FAM98A: variants seen among roughly 807,000 people sequenced by gnomAD.
FAM98A encodes the protein protein FAM98A.
In FAM98A, 25 loss-of-function variants were observed where a neutral mutation model predicts 62.9. That is an observed-to-expected ratio of 0.40 (90% confidence interval 0.29 to 0.56). The LOEUF is 0.56. Ranked by LOEUF, FAM98A falls within the 20% of genes least tolerant of loss-of-function variation. FAM98A has a pLI of 0.51. For missense variants in FAM98A, 653 were observed against 640.7 expected (o/e 1.02, Z -0.21); for synonymous variants, 252 against 228.6 (o/e 1.10, Z -0.92).
At position 33,584,079 on chromosome 2, in the gene FAM98A, TAACTA is replaced by T; in HGVS notation, c.*692_*696del. On this transcript the variant is annotated 3_prime_UTR_variant, in exon 8 of 8. Transcript: ENST00000238823. ...GCAGGTCAGTTTGAATTGCTATACT[TAACTA>T]AATGCCTACATGTACTATAGCTTCA... 1 of 152,772 alleles carries T rather than the reference TAACTA, an allele frequency of 6.5e-6. No homozygotes were observed. The highest frequency in any genetic ancestry group is 1.9e-4 in the East Asian group (1 of 5,194). The allele number at this position is 152,772 out of a possible 1,614,324, so 9.5% of individuals were successfully genotyped here.
chr2:33,594,478 A>C (rs1677744485), intron 2 of FAM98A, among the ~76,000 whole-genome samples: 1 of 148,842 alleles, frequency 6.7e-6, no homozygotes, highest in African/African-American at 2.5e-5. Context: ...ACCATGGCAC[A>C]CGTATCCCTA....
At chr2:33,588,143 T>C (rs1011777163) in intron 4 of FAM98A, 192 bp downstream of exon 4, 8 of 599,944 alleles carry the variant, frequency 1.3e-5, no homozygotes, top group Non-Finnish European at 2.1e-5. Flanking sequence ...AACATGTTTT[T>C]AGGAAAATAC....
At chr2:33,592,247 T>C (rs1464536968) in intron 2 of FAM98A, 33 bp from the exon 3 acceptor site, 9 of 1,510,852 alleles carry the variant, frequency 6.0e-6, no homozygotes, top group Non-Finnish European at 7.3e-6. Flanking sequence ...TATTTAATGA[T>C]AGTGATTATT....
chr2:33,586,503 T>G lies in FAM98A; in HGVS notation c.720+59A>C, dbSNP rs1216620867. On this transcript the variant is annotated intron_variant, in intron 6 of 7. Coordinates refer to ENST00000238823, the MANE Select transcript of FAM98A (RefSeq NM_015475.5). Reference sequence around the variant, plus strand: ...ATAGTTGCCAAGTAGCTAAATTGTTTAGATGTTCAGGGATCATGTCTATAA... The same window carrying G: ...ATAGTTGCCAAGTAGCTAAATTGTTGAGATGTTCAGGGATCATGTCTATAA... 10 of 1,129,600 alleles carry G rather than the reference T, an allele frequency of 8.9e-6. No homozygotes were observed. The East Asian group carries it at 1.4e-4, about 16-fold the overall frequency. The allele number at this position is 1,129,600 out of a possible 1,614,324, so 70.0% of individuals were successfully genotyped here.
In FAM98A at chr2:33,584,492, G is replaced by T; in HGVS notation, c.*284C>A. The T allele has an allele frequency of 2.6e-6, 1 of 384,746 alleles. No homozygotes were observed. The highest frequency in any genetic ancestry group is 3.9e-5 in the East Asian group (1 of 25,794). The allele number at this position is 384,746 out of a possible 1,614,324, so 23.8% of individuals were successfully genotyped here. A position where few individuals can be genotyped will look rare whatever the true frequency, so the allele number is the denominator to read the frequency against. ...TTCTTCAAAAAAGTTTGCATGTTCT[G>T]ACTGTGGAATTAGTCTACTGGGCAA... On this transcript the variant is annotated 3_prime_UTR_variant, in exon 8 of 8. Coordinates refer to ENST00000238823, the MANE Select transcript of FAM98A (RefSeq NM_015475.5).
chr2:33,598,911 C>T (rs947203272), intron 1 of FAM98A, among the ~76,000 whole-genome samples: 4 of 152,102 alleles, frequency 2.6e-5, no homozygotes, highest in Non-Finnish European at 1.5e-5. Context: ...GACAATGACA[C>T]GCATGACTGA....
intron 1 of FAM98A, among the ~76,000 whole-genome samples, chr2:33,596,891 CAA>C (rs55741538): frequency 3.9e-5 from 4 of 103,448 alleles, no homozygotes; most frequent in African/African-American, 3.9e-5. Context: ...GACTCCGTAT[CAA>C]AAAAAAAAAA....
intron 2 of FAM98A, among the ~76,000 whole-genome samples, chr2:33,593,534 G>T (rs527893775): frequency 6.6e-6 from 1 of 152,170 alleles, no homozygotes. Flanking sequence ...ATAAAAAAAG[G>T]TATAGAGTTC....
At chr2:33,592,007 C>G in intron 3 of FAM98A, 73 bp downstream of exon 3, 1 of 1,233,492 alleles carries the variant, frequency 8.1e-7, no homozygotes, top group Non-Finnish European at 1.1e-6. Context: ...AAACAAAAAA[C>G]CATGGTCAGT....
rs1558549320 is a variant in FAM98A at position 33,592,096 on chromosome 2, GTTC to G, written c.318_320del (p.Lys106del). 6.2e-7 allele frequency: 1 copy of G among 1,613,258 alleles called. No individual in the cohort carries two copies. ...TGAACTTACTGAGCAAGAGGAGGCAGTTCTTCTGAATGAGAAGGCGCTTGGTCA... is the reference window on the plus strand; with the variant it reads ...TGAACTTACTGAGCAAGAGGAGGCAGTTCTGAATGAGAAGGCGCTTGGTCA... On this transcript the variant is annotated inframe_deletion, in exon 3 of 8. Coordinates refer to ENST00000238823, the MANE Select transcript of FAM98A (RefSeq NM_015475.5).
intron 2 of FAM98A, among the ~76,000 whole-genome samples, 190 bp from the exon 3 acceptor site, chr2:33,592,404 G>T (rs1677691341): frequency 6.6e-6 from 1 of 151,594 alleles, no homozygotes; most frequent in Non-Finnish European, 1.5e-5. Context: ...AGGTCTCTGA[G>T]GCCTAGGCTG....
At chr2:33,597,088 T>C (rs1190099321) in intron 1 of FAM98A, among the ~76,000 whole-genome samples, 1 of 152,156 alleles carries the variant, frequency 6.6e-6, no homozygotes, top group African/African-American at 2.4e-5. Flanking sequence ...TATTAGACAC[T>C]GAAATCAAAA....
At position 33,595,522 on chromosome 2, in the gene FAM98A, A is replaced by T. The variant is rs532592008; in HGVS notation, c.169T>A (p.Cys57Ser). Reference protein sequence around the residue: ...AWLVSELRVLCKLEENVQATN... With the variant: ...AWLVSELRVLSKLEENVQATN... ...GCTTGCACGTTTTCCTCTAGTTTAC[A>T]GAGCACTCTTAATTCAGACACCAGC... Residue 57 changes from cysteine (C) to serine (S), a missense_variant, in exon 2 of 8, where the codon TGT becomes AGT. Physicochemically the swap from Cys to Ser is moderately radical, Grantham distance 112. Transcript: ENST00000238823. 5.0e-6 allele frequency: 8 copies of T among 1,608,334 alleles called. No individual in the cohort carries two copies. In the Admixed American group the frequency reaches 1.2e-4, roughly 24 times the overall value.
chr2:33,598,261 T>C (rs1448458779), intron 1 of FAM98A, among the ~76,000 whole-genome samples: 12 of 152,242 alleles, frequency 7.9e-5, no homozygotes, highest in Admixed American at 7.9e-4. Context: ...AAAGAACTTG[T>C]TACTTAGAAA....
rs374146320 is a variant in FAM98A, at chr2:33,585,245, C to A, written c.1088G>T (p.Arg363Leu). 1 of 1,614,114 alleles carries A rather than the reference C, an allele frequency of 6.2e-7. No homozygotes were observed. Among genetic ancestry groups the A allele is most frequent in the South Asian group, 1.1e-5 (1 of 91,080 alleles). The stretch of plus-strand genomic sequence containing the variant: ...TCGGCCACCATGGTCATAGCCACCA[C>A]GTCCACCTCTCCCGCCTCCTTGTTC... Reference protein sequence around the residue: ...GHEQGGGRGGRGGYDHGGRGG... With the variant: ...GHEQGGGRGGLGGYDHGGRGG... The change falls in exon 8 of 8, where the codon CGT becomes CTT. Residue 363 changes from arginine to leucine, a missense_variant. Transcript: ENST00000238823.
chr2:33,585,176 C>T lies in FAM98A; in HGVS notation c.1157G>A (p.Gly386Glu). Residue 386 changes from glycine to glutamate, a missense_variant, in exon 8 of 8, where the codon GGA becomes GAA. Coordinates refer to ENST00000238823, the MANE Select transcript of FAM98A (RefSeq NM_015475.5). ...GTAGCCACCTCCTCCACCACTCCCT[C>T]CATCTGTCCAGCCTCCTTGATGCTT... The part of the protein sequence containing the change: ...GNKHQGGWTD[G>E]GSGGGGGYQD... 6.2e-7 allele frequency: 1 copy of T among 1,614,188 alleles called. No individual in the cohort carries two copies.
chr2:33,584,682 G>T lies in FAM98A; in HGVS notation c.*94C>A. On this transcript the variant is annotated 3_prime_UTR_variant, in exon 8 of 8. Transcript: ENST00000238823. ...AAGCAGGAATCTGCCTGCCACCTGT[G>T]GTCTCACATTAATTCAAAATAGGTG... 9.3e-7 allele frequency: 1 copy of T among 1,079,408 alleles called. No individual in the cohort carries two copies. The highest frequency in any genetic ancestry group is 1.4e-6 in the Non-Finnish European group (1 of 738,188). 66.9% of individuals were successfully genotyped at this position (1,079,408 alleles called of 1,614,324 possible). A position where few individuals can be genotyped will look rare whatever the true frequency, so the allele number is the denominator to read the frequency against.
chr2:33,586,488 A>C (rs1265734692), intron 6 of FAM98A, 74 bp downstream of exon 6: 2 of 978,462 alleles, frequency 2.0e-6, no homozygotes, highest in African/African-American at 3.2e-5. Context: ...ATAGTTGCCA[A>C]GTAGCTAAAT....
At position 33,595,551 on chromosome 2, in the gene FAM98A, G is replaced by A. The variant is rs1572420342; in HGVS notation, c.140C>T (p.Ala47Val). 2 of 1,610,854 alleles carry A rather than the reference G, an allele frequency of 1.2e-6. No homozygotes were observed. The highest frequency in any genetic ancestry group is 8.5e-7 in the Non-Finnish European group (1 of 1,178,864). ...ASSPEFTKLC[A>V]WLVSELRVLC... is the part of the protein sequence containing the mutation. ...CACTCTTAATTCAGACACCAGCCAA[G>A]CACAGAGTTTGGTAAACTCGGGGGA... is the stretch of plus-strand genomic sequence containing the variant. Residue 47 changes from alanine (A) to valine (V), a missense_variant, in exon 2 of 8, where the codon GCT becomes GTT. Ala to Val is a moderately conservative substitution (Grantham distance 64, BLOSUM62 0). Transcript: ENST00000238823.
Sources: allele counts gnomAD v4.1 joint callset (sites outside exome capture counted in the v4.1 genomes callset), GRCh38; gene constraint gnomAD v4.1.1; transcripts MANE v1.5; gene names NCBI Gene and HGNC (gene_info 2026-07-23, HGNC 2026-07-21).